The following BCAS3 variants were observed in gnomAD, a reference collection of about 807,000 sequenced individuals.
BCAS3 encodes the protein BCAS3 microtubule associated cell migration factor.
BCAS3 carries 53 observed loss-of-function variants against 116.1 expected under a neutral mutation model. The ratio of observed to expected loss-of-function variants is 0.46; its 90% CI spans 0.37 to 0.57. The LOEUF is 0.57. Ranked by LOEUF, BCAS3 falls within the 20% of genes least tolerant of loss-of-function variation. The pLI, the probability that BCAS3 is intolerant of heterozygous loss-of-function variation, is 0.00. For missense variants in BCAS3, 917 were observed against 1,165.4 expected, an observed-to-expected ratio of 0.79 and a Z score of 3.10; for synonymous variants, 391 against 408.2, an observed-to-expected ratio of 0.96 and a Z score of 0.51.
rs193209307 is a variant in BCAS3, at chr17:61,080,222, T to C, written c.2327+1693T>C. Among the ~76,000 whole-genome samples, 215 of 152,178 alleles carry C rather than the reference T, an allele frequency of 1.4e-3. 1 individual carries two copies. The highest frequency in any genetic ancestry group is 4.4e-3 in the African/African-American group (184 of 41,538). On this transcript the variant is annotated intron_variant, in intron 21 of 23. Coordinates refer to ENST00000407086, the MANE Select transcript of BCAS3 (RefSeq NM_017679.5). ...ACCTGGCCTCATCTCTTTAAATTAC[T>C]CCACAAACTACCTACTCAAGACAGA...
intron 22 of BCAS3, among the ~76,000 whole-genome samples, chr17:61,299,795 T>G (rs2053284927): frequency 6.6e-6 from 1 of 152,232 alleles, no homozygotes; most frequent in Non-Finnish European, 1.5e-5. Flanking sequence ...ATGCGGGTCC[T>G]AGGACAGGGA....
At position 61,149,831 on chromosome 17, in the gene BCAS3, T is replaced by G. The variant is rs553642106; in HGVS notation, c.2425+65267T>G. On this transcript the variant is annotated intron_variant, in intron 22 of 23. Transcript: ENST00000407086. ...TTTATCAGCCTGCATTTTTCCTCTC[T>G]GGATGAAAGTGTTTCAGGAAAAATC... Among the ~76,000 whole-genome samples the G allele has an allele frequency of 2.0e-5, 3 of 152,330 alleles. No individual in the cohort carries two copies. In the East Asian group the frequency reaches 5.8e-4, roughly 29 times the overall value.
chr17:60,920,730 C>T (rs1410999607), intron 12 of BCAS3, among the ~76,000 whole-genome samples: 1 of 152,014 alleles, frequency 6.6e-6, no homozygotes, highest in Admixed American at 6.6e-5. Context: ...ATTAGCTGGG[C>T]GTGGTGGCGG....
chr17:60,848,706 A>AT (rs201671554), intron 7 of BCAS3, among the ~76,000 whole-genome samples: 4,553 of 147,304 alleles, frequency 0.031, 172 homozygotes, highest in East Asian at 0.093. Flanking sequence ...TTCCTTCTTT[A>AT]TTTTTTTTTT....
chr17:61,301,502 T>C (rs1198984070), intron 22 of BCAS3, among the ~76,000 whole-genome samples: 2 of 152,070 alleles, frequency 1.3e-5, no homozygotes, highest in African/African-American at 4.8e-5. Flanking sequence ...CTGGGCGTGG[T>C]GGCAGGTGCC....
At chr17:61,329,344 T>TTA (rs58701731) in intron 22 of BCAS3, among the ~76,000 whole-genome samples, 15 of 55,892 alleles carry the variant, frequency 2.7e-4, no homozygotes, top group East Asian at 2.1e-3. Flanking sequence ...ATTATTATTA[T>TTA]TTTTTTTTTT....
intron 7 of BCAS3, among the ~76,000 whole-genome samples, chr17:60,812,239 G>A (rs2048899387): frequency 6.6e-6 from 1 of 152,114 alleles, no homozygotes; most frequent in Non-Finnish European, 1.5e-5. Context: ...ATTCTTTGGG[G>A]AGAGGGCTGC....
At chr17:61,289,875 G>A (rs1181388769) in intron 22 of BCAS3, among the ~76,000 whole-genome samples, 1 of 152,152 alleles carries the variant, frequency 6.6e-6, no homozygotes, top group Non-Finnish European at 1.5e-5. Context: ...AGCGAAGAGA[G>A]GTATAAAGGT....
chr17:60,750,693 A>G (rs2042387491), intron 6 of BCAS3, among the ~76,000 whole-genome samples: 1 of 152,166 alleles, frequency 6.6e-6, no homozygotes, highest in Non-Finnish European at 1.5e-5. Flanking sequence ...ACATTCTGCC[A>G]TCCTTACCCT....
intron 22 of BCAS3, among the ~76,000 whole-genome samples, chr17:61,317,621 A>T (rs914806732): frequency 5.9e-5 from 9 of 152,208 alleles, no homozygotes; most frequent in African/African-American, 1.9e-4. Context: ...CATCAGGGGC[A>T]ACTGGCAGTG....
At chr17:60,735,292 T>G (rs750101392) in intron 5 of BCAS3, among the ~76,000 whole-genome samples, 1 of 151,452 alleles carries the variant, frequency 6.6e-6, no homozygotes, top group Admixed American at 6.6e-5. Context: ...TCTTTCCCAT[T>G]TTTATACCTT....
chr17:60,782,590 T>TA (rs1355026855), intron 6 of BCAS3, among the ~76,000 whole-genome samples: 1 of 148,528 alleles, frequency 6.7e-6, no homozygotes, highest in African/African-American at 2.5e-5. Flanking sequence ...TTATTATTAT[T>TA]ATTATTATTA....
chr17:61,392,228 A>C lies in BCAS3; in HGVS notation c.*103A>C. 1.5e-6 allele frequency: 2 copies of C among 1,365,814 alleles called. No individual in the cohort carries two copies. The highest frequency in any genetic ancestry group is 2.0e-6 in the Non-Finnish European group (2 of 1,005,874). The allele number at this position is 1,365,814 out of a possible 1,614,324, so 84.6% of individuals were successfully genotyped here. Reference sequence around the variant, plus strand: ...TTCAGTCTCTGCTCTTCCTTCATCAACCACCTTCCCCAAGCTTAGTGACAG... The same window carrying C: ...TTCAGTCTCTGCTCTTCCTTCATCACCCACCTTCCCCAAGCTTAGTGACAG... On this transcript the variant is annotated 3_prime_UTR_variant, in exon 24 of 24. Transcript: ENST00000407086. The surrounding 1 kb of genome is among the most constrained non-coding windows in gnomAD (Gnocchi z 6.4).
intron 22 of BCAS3, among the ~76,000 whole-genome samples, chr17:61,206,087 A>C (rs1019737334): frequency 6.6e-6 from 1 of 152,166 alleles, no homozygotes; most frequent in Non-Finnish European, 1.5e-5. Flanking sequence ...TATGGAGAAC[A>C]CAAGTCGTAG....
chr17:60,943,332 A>G (rs754405859), intron 13 of BCAS3, among the ~76,000 whole-genome samples: 1 of 152,130 alleles, frequency 6.6e-6, no homozygotes, highest in Non-Finnish European at 1.5e-5. Context: ...CGAGTGTGAG[A>G]GCACCCAACT....
At chr17:60,772,930 T>C (rs1033122555) in intron 6 of BCAS3, among the ~76,000 whole-genome samples, 7 of 152,160 alleles carry the variant, frequency 4.6e-5, no homozygotes, top group Non-Finnish European at 1.0e-4. Context: ...GCTTAATGAT[T>C]CTGACCCAAA....
At chr17:60,797,698 G>A (rs1038627873) in intron 6 of BCAS3, among the ~76,000 whole-genome samples, 1 of 151,886 alleles carries the variant, frequency 6.6e-6, no homozygotes, top group African/African-American at 2.4e-5. Context: ...CCCACCTCCC[G>A]ACAGGCCCTG....
At chr17:61,311,516 A>T (rs771758466) in intron 22 of BCAS3, among the ~76,000 whole-genome samples, 1 of 152,176 alleles carries the variant, frequency 6.6e-6, no homozygotes, top group African/African-American at 2.4e-5. Flanking sequence ...CATGTTATTC[A>T]GTGTTTGGAG....
chr17:61,167,695 C>T (rs138568696), intron 22 of BCAS3, among the ~76,000 whole-genome samples: 61 of 152,210 alleles, frequency 4.0e-4, no homozygotes, highest in African/African-American at 8.2e-4. Flanking sequence ...AAGAGCTTTA[C>T]GTACATATGC....
Sources: gnomAD v4.1 joint callset for allele counts (sites outside exome capture counted in the v4.1 genomes callset) on GRCh38, gnomAD v4.1.1 for gene constraint, Gnocchi (gnomAD v3.1) non-coding constraint, MANE v1.5 for transcripts, NCBI Gene and HGNC (gene_info 2026-07-23, HGNC 2026-07-21) for gene names.